Variants in USP9Y observed in about 807,000 individuals in gnomAD.
The protein encoded by USP9Y is ubiquitin specific peptidase 9 Y-linked, also known as ubiquitin carboxyl-terminal hydrolase 9Y.
USP9Y carries 41 observed loss-of-function variants against 53.1 expected under a neutral mutation model. That is an observed-to-expected ratio of 0.77 (90% confidence interval 0.60 to 1.00). USP9Y has a LOEUF of 1.00. USP9Y is among the 50% of genes least tolerant of loss of function. USP9Y has a pLI of 0.00. For missense variants in USP9Y, 567 were observed against 535.8 expected (o/e 1.06, Z -0.58); for synonymous variants, 220 against 173.7 (o/e 1.27, Z -2.09).
rs1196690845 is a variant in USP9Y at position 12,786,264 on chromosome Y, C to A, written c.3213C>A (p.Gly1071=). ...VCLDHAKLGE[G]KLSPPLDSLF... ...TGGACCATGCAAAACTTGGAGAAGG[C>A]AAACTTAGTCCACCCCTTGACTCTC... is the stretch of plus-strand genomic sequence containing the variant. The change falls in exon 23 of 46, where the codon GGC becomes GGA. Residue 1071 remains glycine, a synonymous_variant. Transcript: ENST00000338981. 2.5e-6 allele frequency: 1 copy of A among 398,185 alleles called. No homozygotes were observed. Among genetic ancestry groups the A allele is most frequent in the Admixed American group, 7.4e-5 (1 of 13,458 alleles).
intron 1 of USP9Y, among the ~76,000 whole-genome samples, chrY:12,704,167 C>CA (rs2053418149): frequency 3.0e-5 from 1 of 33,462 alleles, no homozygotes; most frequent in African/African-American, 1.2e-4. Context: ...GCTATATGAC[C>CA]TTTTTTTACG....
At chrY:12,831,836 G>A in intron 33 of USP9Y, among the ~76,000 whole-genome samples, 1 of 33,903 alleles carries the variant, frequency 2.9e-5, no homozygotes, top group Admixed American at 2.7e-4. Context: ...GGAATTGAAA[G>A]CAGGGTCTCA....
At chrY:12,729,212 T>G (rs762911308) in intron 7 of USP9Y, among the ~76,000 whole-genome samples, 34 of 34,619 alleles carry the variant, frequency 9.8e-4, no homozygotes, top group African/African-American at 3.6e-3. Flanking sequence ...CTTTTTGTAG[T>G]TCTTTAAGGT....
Position 12,818,575 on chromosome Y carries a change from A to C in USP9Y, c.4986A>C (p.Gln1662His). ...GTCATTTAGCTGCTTCCCAACTACAATACTATGTACCCAGAGGATTTTGGA... is the reference window on the plus strand; with the variant it reads ...GTCATTTAGCTGCTTCCCAACTACACTACTATGTACCCAGAGGATTTTGGA... ...IFGHLAASQL[Q>H]YYVPRGFWKQ... Residue 1662 changes from glutamine (Q) to histidine (H), a missense_variant, in exon 33 of 46, where the codon CAA becomes CAC. Gln to His is a conservative substitution (Grantham distance 24). Coordinates refer to ENST00000338981, the MANE Select transcript of USP9Y (RefSeq NM_004654.4). 1 of 398,529 alleles carries C rather than the reference A, an allele frequency of 2.5e-6. No homozygotes were observed.
intron 33 of USP9Y, among the ~76,000 whole-genome samples, chrY:12,818,875 G>T (rs571071940): frequency 1.4e-3 from 47 of 33,424 alleles, no homozygotes; most frequent in African/African-American, 5.5e-3. Flanking sequence ...CTTCATTTTG[G>T]AAGACATCAA....
intron 40 of USP9Y, 32 bp from the exon 41 acceptor site, chrY:12,846,901 T>C (rs779363103): frequency 9.5e-6 from 3 of 316,943 alleles, no homozygotes; most frequent in Non-Finnish European, 1.4e-5. Flanking sequence ...AGGAATTCTA[T>C]TGGTTTTTCA....
chrY:12,824,144 G>A, intron 33 of USP9Y, among the ~76,000 whole-genome samples: 1 of 32,843 alleles, frequency 3.0e-5, no homozygotes, highest in Admixed American at 2.8e-4. Context: ...ATTTGGCTGT[G>A]AAGCTTCTGT....
chrY:12,736,254 G>C lies in USP9Y; in HGVS notation c.1025+5G>C. ...TAGGTTAAAGATGATACTCAGGTAA[G>C]ATATTTTCCACCTTAAATTATTTGT... is the stretch of plus-strand genomic sequence containing the variant. On this transcript the variant is annotated splice_donor_5th_base_variant and intron_variant, in intron 9 of 45. Transcript: ENST00000338981. 1 of 377,682 alleles carries C rather than the reference G, an allele frequency of 2.6e-6. No homozygotes were observed. The highest frequency in any genetic ancestry group is 3.7e-6 in the Non-Finnish European group (1 of 268,773). The allele number at this position is 377,682 out of a possible 400,897, so 94.2% of individuals were successfully genotyped here. A position where few individuals can be genotyped will look rare whatever the true frequency, so the allele number is the denominator to read the frequency against.
At chrY:12,774,493 T>C in intron 17 of USP9Y, among the ~76,000 whole-genome samples, 1 of 30,143 alleles carries the variant, frequency 3.3e-5, no homozygotes, top group African/African-American at 1.3e-4. Context: ...AAAAGAATTA[T>C]AGTAACCCTC....
chrY:12,720,356 T>C lies in USP9Y; in HGVS notation c.97-233T>C, dbSNP rs1603196001. 9.4e-5 allele frequency among the ~76,000 whole-genome samples: 3 copies of C among 31,885 alleles called. No individual in the cohort carries two copies. In the East Asian group the frequency reaches 2.5e-3, roughly 27 times the overall value. The allele number at this position is 31,885 out of a possible 37,273, so 85.5% of individuals were successfully genotyped here. A position where few individuals can be genotyped will look rare whatever the true frequency, so the allele number is the denominator to read the frequency against. ...AGAGGTTAGTTACAGTGAGCCGAGA[T>C]TGCACCACTGCACTCCAGCCCGGGT... On this transcript the variant is annotated intron_variant, in intron 3 of 45. Coordinates refer to ENST00000338981, the MANE Select transcript of USP9Y (RefSeq NM_004654.4).
Position 12,726,569 on chromosome Y carries a change from T to C in USP9Y, c.439-6T>C. On this transcript the variant is annotated splice_region_variant and splice_polypyrimidine_tract_variant and intron_variant, in intron 6 of 45. Coordinates refer to ENST00000338981, the MANE Select transcript of USP9Y (RefSeq NM_004654.4). Reference sequence around the variant, plus strand: ...TAAACTGTATCATATCCTATCCATGTAACAGAGATGTATTATTAACAATAC... The same window carrying C: ...TAAACTGTATCATATCCTATCCATGCAACAGAGATGTATTATTAACAATAC... 1 of 380,821 alleles carries C rather than the reference T, an allele frequency of 2.6e-6. No individual in the cohort carries two copies. The highest frequency in any genetic ancestry group is 3.7e-6 in the Non-Finnish European group (1 of 267,041). 95.0% of individuals were successfully genotyped at this position (380,821 alleles called of 400,897 possible).
intron 32 of USP9Y, among the ~76,000 whole-genome samples, chrY:12,817,196 T>C: frequency 2.9e-5 from 1 of 33,973 alleles, no homozygotes; most frequent in Non-Finnish European, 7.3e-5. Flanking sequence ...GAGGCAGAAG[T>C]TGCAGTGAGC....
chrY:12,780,548 C>T, intron 22 of USP9Y, among the ~76,000 whole-genome samples: 3 of 33,257 alleles, frequency 9.0e-5, no homozygotes, highest in Non-Finnish European at 2.2e-4. Context: ...TCTGAATGCA[C>T]CTAAACTCTC....
chrY:12,815,762 A>C, intron 31 of USP9Y, among the ~76,000 whole-genome samples: 1 of 33,715 alleles, frequency 3.0e-5, no homozygotes, highest in South Asian at 6.6e-4. Flanking sequence ...TTTTCACTAG[A>C]GACAGGGTTT....
At chrY:12,767,359 A>G in intron 15 of USP9Y, among the ~76,000 whole-genome samples, 1 of 33,035 alleles carries the variant, frequency 3.0e-5, no homozygotes, top group Non-Finnish European at 7.4e-5. Flanking sequence ...GAAGGTTTGC[A>G]TCTTTTCCTA....
Position 12,846,957 on chromosome Y carries a change from T to G in USP9Y, c.6779T>G (p.Phe2260Cys). 2.5e-6 allele frequency: 1 copy of G among 397,260 alleles called. No individual in the cohort carries two copies. Among genetic ancestry groups the G allele is most frequent in the Non-Finnish European group, 3.5e-6 (1 of 281,983 alleles). ...GGTAATCCCCCTCTCCCCAATCCTT[T>G]CGGTGACCTTAATTTATCACAGCCT... Reference protein sequence around the residue: ...INGNPPLPNPFGDLNLSQPIM... With the variant: ...INGNPPLPNPCGDLNLSQPIM... Residue 2260 changes from phenylalanine to cysteine, a missense_variant, in exon 41 of 46, where the codon TTC becomes TGC. Physicochemically the swap from Phe to Cys is radical, Grantham distance 205. Transcript: ENST00000338981.
At chrY:12,783,142 T>G in intron 22 of USP9Y, among the ~76,000 whole-genome samples, 1 of 33,646 alleles carries the variant, frequency 3.0e-5, no homozygotes, top group African/African-American at 1.2e-4. Flanking sequence ...TTTTCTAATC[T>G]TTCCTATGTG....
rs2148285525 is a variant in USP9Y at position 12,774,859 on chromosome Y, G to A, written c.2332-612G>A. On this transcript the variant is annotated intron_variant, in intron 17 of 45. Transcript: ENST00000338981. ...TTTATGTAAACTGAGAAGTTGCTACGGTGTTCCATTAAAACCAGTGGTTTT... is the reference window on the plus strand; with the variant it reads ...TTTATGTAAACTGAGAAGTTGCTACAGTGTTCCATTAAAACCAGTGGTTTT... Among the ~76,000 whole-genome samples, 3 of 32,985 alleles carry A rather than the reference G, an allele frequency of 9.1e-5. No individual in the cohort carries two copies. The East Asian group carries it at 2.3e-3, about 25-fold the overall frequency. 88.5% of individuals were successfully genotyped at this position (32,985 alleles called of 37,273 possible).
chrY:12,706,747 A>G, intron 1 of USP9Y, among the ~76,000 whole-genome samples: 1 of 33,875 alleles, frequency 3.0e-5, no homozygotes, highest in African/African-American at 1.2e-4. Flanking sequence ...TCAAAAAACA[A>G]TGAAAGAGAA....
Sources: gnomAD v4.1 joint callset for allele counts (sites outside exome capture counted in the v4.1 genomes callset) on GRCh38, gnomAD v4.1.1 for gene constraint, MANE v1.5 for transcripts, NCBI Gene and HGNC (gene_info 2026-07-23, HGNC 2026-07-21) for gene names.